Variants in TRPM2 observed in about 807,000 individuals in gnomAD.
The protein encoded by TRPM2 is transient receptor potential cation channel subfamily M member 2, also known as estrogen-responsive element-associated gene 1 protein.
TRPM2 carries 161 observed loss-of-function variants against 174.0 expected under a neutral mutation model. The ratio of observed to expected loss-of-function variants is 0.93; its 90% confidence interval spans 0.81 to 1.05. The LOEUF is 1.05. TRPM2 is among the 50% of genes least tolerant of loss of function. TRPM2 has a pLI of 0.00. For synonymous variants in TRPM2, 954 were observed against 861.3 expected (o/e 1.11, Z -1.88); for missense variants, 2,057 against 2,038.0 (o/e 1.01, Z -0.18).
chr21:44,439,206 C>T lies in TRPM2; in HGVS notation c.4269+38C>T, dbSNP rs1436344126. On this transcript the variant is annotated intron_variant, in intron 30 of 31. Coordinates refer to ENST00000397928, the MANE Select transcript of TRPM2 (RefSeq NM_003307.4). The surrounding 1 kb of genome is among the most constrained non-coding windows in gnomAD (Gnocchi z 5.1). ...TGTTTGCTCTGTTCCACCTGTGTGTCCCCAGGGCTGCAGGACAAACACAGT... is the reference window on the plus strand; with the variant it reads ...TGTTTGCTCTGTTCCACCTGTGTGTTCCCAGGGCTGCAGGACAAACACAGT... The T allele has an allele frequency of 6.4e-7, 1 of 1,574,280 alleles. No homozygotes were observed. The highest frequency in any genetic ancestry group is 8.7e-7 in the Non-Finnish European group (1 of 1,145,656).
rs1393575769 is a variant in TRPM2, at chr21:44,405,966, T to C, written c.2719T>C (p.Cys907Arg). ...CCTCTCTCTGGACTTCATCCTGTTC[T>C]GCCTCCGGCTCATGCACATTTTTAC... ...VILSLDFILF[C>R]LRLMHIFTIS... Residue 907 changes from cysteine to arginine, a missense_variant, in exon 18 of 32, where the codon TGC becomes CGC. Cys to Arg is a radical substitution (Grantham distance 180, BLOSUM62 -3). Coordinates refer to ENST00000397928, the MANE Select transcript of TRPM2 (RefSeq NM_003307.4). The C allele has an allele frequency of 1.2e-6, 2 of 1,608,784 alleles. No individual in the cohort carries two copies. Among genetic ancestry groups the C allele is most frequent in the Middle Eastern group, 3.3e-4 (2 of 6,058 alleles).
At chr21:44,425,964 C>T in intron 25 of TRPM2, 137 bp downstream of exon 25, 10 of 1,206,856 alleles carry the variant, frequency 8.3e-6, no homozygotes, top group Non-Finnish European at 9.7e-6. Flanking sequence ...CGTCTGGCAG[C>T]CCCTGTTTGA....
Position 44,382,706 on chromosome 21 carries a change from T to C in TRPM2, c.1216-12T>C. ...GTCACTGTGTGTCTCACTTAGAAAA[T>C]GCTTGTTGCAGATCCAAGATATCGT... On this transcript the variant is annotated splice_polypyrimidine_tract_variant and intron_variant, in intron 8 of 31. Coordinates refer to ENST00000397928, the MANE Select transcript of TRPM2 (RefSeq NM_003307.4). The C allele has an allele frequency of 6.2e-7, 1 of 1,613,206 alleles. No individual in the cohort carries two copies. Among genetic ancestry groups the C allele is most frequent in the Non-Finnish European group, 8.5e-7 (1 of 1,179,616 alleles).
chr21:44,387,400 A>G (rs561454209), intron 9 of TRPM2, among the ~76,000 whole-genome samples: 1 of 152,364 alleles, frequency 6.6e-6, no homozygotes, highest in East Asian at 1.9e-4. Context: ...TACAAAAACT[A>G]ACTCAAAGTA....
At position 44,367,567 on chromosome 21, in the gene TRPM2, AC is replaced by A. The variant is rs1370888493; in HGVS notation, c.604+636del. On this transcript the variant is annotated intron_variant, in intron 4 of 31. Coordinates refer to ENST00000397928, the MANE Select transcript of TRPM2 (RefSeq NM_003307.4). The surrounding 1 kb of genome is among the most constrained non-coding windows in gnomAD (Gnocchi z 4.6). ...GTGCCGTGACCTGGTGCCCCGCCCCACCCTAATTCCATGGGGAGGGGGCCCC... is the reference window on the plus strand; with the variant it reads ...GTGCCGTGACCTGGTGCCCCGCCCCACCTAATTCCATGGGGAGGGGGCCCC... Among the ~76,000 whole-genome samples the A allele has an allele frequency of 6.6e-6, 1 of 152,042 alleles. No individual in the cohort carries two copies. The highest frequency in any genetic ancestry group is 1.5e-5 in the Non-Finnish European group (1 of 67,976).
intron 29 of TRPM2, 114 bp downstream of exon 29, chr21:44,437,281 C>T: frequency 9.8e-7 from 1 of 1,019,706 alleles, no homozygotes; most frequent in African/African-American, 1.6e-5. Context: ...CCTGCAGCCC[C>T]TGGGCAGGGA....
At chr21:44,422,506 C>A in intron 22 of TRPM2, 1 of 1,472,564 alleles carries the variant, frequency 6.8e-7, no homozygotes, top group South Asian at 1.3e-5. Flanking sequence ...TCACTTTCTT[C>A]CCTCTCCCTA....
intron 9 of TRPM2, among the ~76,000 whole-genome samples, chr21:44,383,725 A>C (rs1160104066): frequency 6.6e-6 from 1 of 152,102 alleles, no homozygotes; most frequent in African/African-American, 2.4e-5. Flanking sequence ...AAAGTGGAAA[A>C]TTCACAAAGT....
At chr21:44,402,182 G>C (rs184238453) in intron 16 of TRPM2, among the ~76,000 whole-genome samples, 4 of 152,280 alleles carry the variant, frequency 2.6e-5, no homozygotes, top group Non-Finnish European at 5.9e-5. Context: ...TGACCTTGTG[G>C]ACTATGAGTA....
chr21:44,419,126 C>T (rs911288796), intron 22 of TRPM2, among the ~76,000 whole-genome samples: 3 of 152,192 alleles, frequency 2.0e-5, no homozygotes, highest in South Asian at 4.1e-4. Context: ...GGCCCAGCAG[C>T]GGGCAGCAGG....
upstream of TRPM2, chr21:44,353,610 C>T (rs1233839938): frequency 1.2e-5 from 16 of 1,366,172 alleles, no homozygotes; most frequent in Middle Eastern, 2.6e-4. Flanking sequence ...GCAACCACCC[C>T]ATGTGTCTCT....
chr21:44,405,218 ACGTCGG>A lies in TRPM2; in HGVS notation c.2618_2623del (p.Val873_Gly874del). On this transcript the variant is annotated inframe_deletion, in exon 17 of 32. Coordinates refer to ENST00000397928, the MANE Select transcript of TRPM2 (RefSeq NM_003307.4). ...TTCAGTGACTTCTGGAATAAGCTGGACGTCGGCGCAATCTTGCTCTTCGTGGCAGGG... is the reference window on the plus strand; with the variant it reads ...TTCAGTGACTTCTGGAATAAGCTGGACGCAATCTTGCTCTTCGTGGCAGGG... 1.9e-6 allele frequency: 3 copies of A among 1,613,436 alleles called. No individual in the cohort carries two copies. Among genetic ancestry groups the A allele is most frequent in the Non-Finnish European group, 2.5e-6 (3 of 1,179,966 alleles).
intron 20 of TRPM2, 45 bp downstream of exon 20, chr21:44,414,119 G>T: frequency 6.3e-7 from 1 of 1,585,062 alleles, no homozygotes; most frequent in South Asian, 1.1e-5. Context: ...TGGGTGGGCG[G>T]CGTTCCTGGG....
At chr21:44,388,045 A>G (rs1826728552) in intron 9 of TRPM2, among the ~76,000 whole-genome samples, 1 of 152,216 alleles carries the variant, frequency 6.6e-6, no homozygotes, top group Non-Finnish European at 1.5e-5. Flanking sequence ...CTCCTCAGAT[A>G]CATATGCCAC....
At position 44,366,177 on chromosome 21, in the gene TRPM2, C is replaced by T. The variant is rs1035876718; in HGVS notation, c.424-577C>T. ...AGAACCTGGGAGAGCCGTGTTCAGACGGGAGGCAGAGGAAGCTGGGCCCAC... is the reference window on the plus strand; with the variant it reads ...AGAACCTGGGAGAGCCGTGTTCAGATGGGAGGCAGAGGAAGCTGGGCCCAC... On this transcript the variant is annotated intron_variant, in intron 3 of 31. Transcript: ENST00000397928. This position sits in a 1 kb window ranked among gnomAD's most constrained non-coding sequence, Gnocchi z 6.0. 2.6e-5 allele frequency among the ~76,000 whole-genome samples: 4 copies of T among 151,782 alleles called. No homozygotes were observed. Among genetic ancestry groups the T allele is most frequent in the Non-Finnish European group, 5.9e-5 (4 of 67,978 alleles).
chr21:44,392,035 G>C (rs552144242), intron 11 of TRPM2, among the ~76,000 whole-genome samples: 12 of 152,172 alleles, frequency 7.9e-5, no homozygotes, highest in African/African-American at 2.9e-4. Context: ...CGTGATCTTA[G>C]CTCACTGCAG....
intron 9 of TRPM2, 130 bp downstream of exon 9, chr21:44,382,950 C>G: frequency 1.0e-6 from 1 of 963,374 alleles, no homozygotes; most frequent in Non-Finnish European, 1.6e-6. Context: ...AAACCCTGGC[C>G]AGAGGGCAGC....
At position 44,424,937 on chromosome 21, in the gene TRPM2, TG is replaced by T; in HGVS notation, c.3637+1del. 1 of 1,596,996 alleles carries T rather than the reference TG, an allele frequency of 6.3e-7. No individual in the cohort carries two copies. The highest frequency in any genetic ancestry group is 8.5e-7 in the Non-Finnish European group (1 of 1,174,002). On this transcript the variant is annotated frameshift_variant and splice_region_variant, in exon 24 of 32. Transcript: ENST00000397928. LOFTEE classifies it high-confidence loss of function. ...GFSSEADVPTLASQKAAEEPD... is the reference protein window; with the variant it reads ...GFSSEADVPTXASQKAAEEPD... The stretch of plus-strand genomic sequence containing the variant: ...AGCTCGGAGGCGGACGTCCCCACTC[TG>T]GGTGAGTGGGTGGCCAGGCCAGCAG...
At chr21:44,419,857 GTA>G (rs2050481934) in intron 22 of TRPM2, among the ~76,000 whole-genome samples, 1 of 141,924 alleles carries the variant, frequency 7.0e-6, no homozygotes, top group Non-Finnish European at 1.6e-5. Flanking sequence ...TCTGATGGTG[GTA>G]ATGGTGGTAG....
Sources: gnomAD v4.1 joint callset for allele counts (sites outside exome capture counted in the v4.1 genomes callset) on GRCh38, gnomAD v4.1.1 for gene constraint, Gnocchi (gnomAD v3.1) non-coding constraint, MANE v1.5 for transcripts, NCBI Gene and HGNC (gene_info 2026-07-23, HGNC 2026-07-21) for gene names.